OSBPL9: variants seen among roughly 807,000 people sequenced by gnomAD.
OSBPL9 encodes oxysterol-binding protein-related protein 9.
OSBPL9 carries 40 observed loss-of-function variants against 106.6 expected under a neutral mutation model. That is an observed-to-expected ratio of 0.38 (90% CI 0.29 to 0.49). The LOEUF (loss-of-function observed/expected upper bound fraction) is 0.49. Ranked by LOEUF, OSBPL9 falls within the 20% of genes least tolerant of loss-of-function variation. OSBPL9 has a pLI of 0.97. For missense variants in OSBPL9, 609 were observed against 887.2 expected (o/e 0.69, Z 3.98); for synonymous variants, 269 against 295.4 (o/e 0.91, Z 0.92).
intron 14 of OSBPL9, 97 bp from the exon 15 acceptor site, chr1:51,776,736 T>A (rs1414244964): frequency 2.6e-6 from 2 of 773,958 alleles, no homozygotes; most frequent in African/African-American, 3.5e-5. Flanking sequence ...ATGATTTGAA[T>A]GAGGTGGTGT....
chr1:51,784,436 T>C lies in OSBPL9; in HGVS notation c.1689-6T>C. On this transcript the variant is annotated splice_region_variant and splice_polypyrimidine_tract_variant and intron_variant, in intron 19 of 23. Coordinates refer to ENST00000428468, the MANE Select transcript of OSBPL9 (RefSeq NM_024586.6). ...CAACCTTACCTAAAAACTTTTGATTTTGCAGGTCTATCCTCACAGTGCCCT... is the reference window on the plus strand; with the variant it reads ...CAACCTTACCTAAAAACTTTTGATTCTGCAGGTCTATCCTCACAGTGCCCT... 1 of 1,614,120 alleles carries C rather than the reference T, an allele frequency of 6.2e-7. No homozygotes were observed.
At chr1:51,620,485 G>T (rs1374781384) in intron 1 of OSBPL9, among the ~76,000 whole-genome samples, 2 of 152,158 alleles carry the variant, frequency 1.3e-5, no homozygotes, top group African/African-American at 4.8e-5. Context: ...ACATAGGTGG[G>T]CTACTTGACT....
chr1:51,759,913 A>G (rs761345302), intron 9 of OSBPL9: 6 of 152,190 alleles, frequency 3.9e-5, no homozygotes, highest in Admixed American at 6.5e-5. Context: ...AAAACTAGAC[A>G]CACAGTCAGC....
At chr1:51,646,583 GC>G (rs1220392190) in intron 1 of OSBPL9, among the ~76,000 whole-genome samples, 3 of 152,088 alleles carry the variant, frequency 2.0e-5, no homozygotes, top group Non-Finnish European at 2.9e-5. Flanking sequence ...TTGCTCCATT[GC>G]CCAGGCTGGA....
chr1:51,741,070 C>A (rs1470789685), intron 4 of OSBPL9, among the ~76,000 whole-genome samples: 2 of 152,122 alleles, frequency 1.3e-5, no homozygotes, highest in Admixed American at 1.3e-4. Flanking sequence ...AATGTCCCAA[C>A]TGAAATCATT....
At position 51,729,666 on chromosome 1, in the gene OSBPL9, A is replaced by G; in HGVS notation, c.318+15587A>G. On this transcript the variant is annotated intron_variant, in intron 4 of 23. Transcript: ENST00000428468. This position sits in a 1 kb window ranked among gnomAD's most constrained non-coding sequence, Gnocchi z 5.1. The stretch of plus-strand genomic sequence containing the variant: ...AGCTCCCTCGGCCTCTCCACCCAAA[A>G]CTGGCCCAACCGCCAATCGTCTGCC... The G allele has an allele frequency of 2.5e-6, 1 of 400,178 alleles. No homozygotes were observed. The highest frequency in any genetic ancestry group is 2.1e-5 in the African/African-American group (1 of 48,168). 24.8% of individuals were successfully genotyped at this position (400,178 alleles called of 1,614,324 possible).
chr1:51,711,078 C>A (rs1571242104), intron 3 of OSBPL9, among the ~76,000 whole-genome samples: 1 of 149,946 alleles, frequency 6.7e-6, no homozygotes. Context: ...TAGAGCAGAA[C>A]AAAATGAAAA....
chr1:51,771,988 A>C, intron 12 of OSBPL9, 82 bp from the exon 13 acceptor site: 1 of 974,196 alleles, frequency 1.0e-6, no homozygotes, highest in Non-Finnish European at 1.5e-6. Flanking sequence ...CATGCATGTA[A>C]CCAGCTAACT....
At chr1:51,576,453 T>C (rs950583618), upstream of OSBPL9, among the ~76,000 whole-genome samples, 1 of 152,252 alleles carries the variant, frequency 6.6e-6, no homozygotes, top group African/African-American at 2.4e-5. Context: ...ACCTTATTCA[T>C]GCTCATGGAC....
the OSBPL9 span, among the ~76,000 whole-genome samples, chr1:51,532,998 ATGGTAATTGGTAATTAAT>A: frequency 6.6e-6 from 1 of 152,114 alleles, no homozygotes; most frequent in African/African-American, 2.4e-5. Flanking sequence ...TGGTAATTAA[ATGGTAATTGGTAATTAAT>A]TGGTAATTGG....
intron 1 of OSBPL9, among the ~76,000 whole-genome samples, chr1:51,646,682 C>T (rs1012128649): frequency 2.0e-5 from 3 of 152,042 alleles, no homozygotes; most frequent in Non-Finnish European, 4.4e-5. Context: ...GGACTACAGG[C>T]GCCCACCACT....
At chr1:51,688,083 T>C (rs965545961) in intron 3 of OSBPL9, among the ~76,000 whole-genome samples, 15 of 152,260 alleles carry the variant, frequency 9.9e-5, no homozygotes, top group Admixed American at 5.2e-4. Context: ...GACCATGTTC[T>C]CTCTGTGGGA....
At chr1:51,718,639 T>G (rs1245576471) in intron 4 of OSBPL9, among the ~76,000 whole-genome samples, 2 of 152,218 alleles carry the variant, frequency 1.3e-5, no homozygotes, top group Non-Finnish European at 2.9e-5. Context: ...AAAAGCAAGA[T>G]GGTTGTATCT....
Position 51,729,202 on chromosome 1 carries a change from A to G in OSBPL9, c.318+15123A>G, listed in dbSNP as rs1663704974. 6.6e-6 allele frequency: 1 copy of G among 152,244 alleles called. No homozygotes were observed. 9.4% of individuals were successfully genotyped at this position (152,244 alleles called of 1,614,324 possible). A position where few individuals can be genotyped will look rare whatever the true frequency, so the allele number is the denominator to read the frequency against. On this transcript the variant is annotated intron_variant, in intron 4 of 23. Transcript: ENST00000428468. This position sits in a 1 kb window ranked among gnomAD's most constrained non-coding sequence, Gnocchi z 5.1. ...GATGTCTCACCGGATTAATAAAAAT[A>G]TAGGCGCTCACGCTTTTGTTTACCG...
chr1:51,589,893 C>T (rs1181987269), intron 1 of OSBPL9, among the ~76,000 whole-genome samples: 2 of 151,808 alleles, frequency 1.3e-5, no homozygotes, highest in Admixed American at 1.3e-4. Context: ...ATTAGCTGGG[C>T]GTGGTGGCAG....
At chr1:51,536,337 C>T in the OSBPL9 span, among the ~76,000 whole-genome samples, 2,760 of 152,014 alleles carry the variant, frequency 0.018, 336 homozygotes, top group East Asian at 0.34. Context: ...AACAGGATCG[C>T]GCTCTGTCAC....
intron 2 of OSBPL9, among the ~76,000 whole-genome samples, chr1:51,610,244 TTTGTTGTTGTTG>T (rs113181959): frequency 3.3e-5 from 5 of 151,020 alleles, no homozygotes; most frequent in South Asian, 2.1e-4. Flanking sequence ...GGAACTGATA[TTTGTTGTTGTTG>T]TTGTTGTTGT....
At chr1:51,565,102 C>T in the OSBPL9 span, among the ~76,000 whole-genome samples, 1 of 152,332 alleles carries the variant, frequency 6.6e-6, no homozygotes, top group South Asian at 2.1e-4. Flanking sequence ...AACTGCCCGT[C>T]TCTCTGCAGG....
chr1:51,610,415 C>T (rs996118015), intron 2 of OSBPL9, among the ~76,000 whole-genome samples: 3 of 152,122 alleles, frequency 2.0e-5, no homozygotes, highest in African/African-American at 7.2e-5. Flanking sequence ...CGTGCACCAC[C>T]ATGCCCAGCT....
Sources: allele counts gnomAD v4.1 joint callset (sites outside exome capture counted in the v4.1 genomes callset), GRCh38; gene constraint gnomAD v4.1.1; non-coding constraint Gnocchi (gnomAD v3.1); transcripts MANE v1.5; gene names NCBI Gene and HGNC (gene_info 2026-07-23, HGNC 2026-07-21).